SLC9A9: variants seen among roughly 807,000 people sequenced by gnomAD.
SLC9A9 encodes solute carrier family 9 member A9.
In SLC9A9, 62 loss-of-function variants were observed where a neutral mutation model predicts 77.8. The observed-to-expected ratio is 0.80, with a 90% CI of 0.65 to 0.98. SLC9A9 has a LOEUF of 0.98. SLC9A9 is among the 50% of genes least tolerant of loss of function. The probability of loss-of-function intolerance (pLI) is 0.00; values close to 1 mark genes in which losing one functional copy is unlikely to be tolerated. For missense variants in SLC9A9, 775 were observed against 774.9 expected (o/e 1.00, Z 0.00); for synonymous variants, 320 against 283.5 (o/e 1.13, Z -1.29).
At chr3:143,726,897 A>T (rs62268866) in intron 4 of SLC9A9, among the ~76,000 whole-genome samples, 9,268 of 152,286 alleles carry the variant, frequency 0.061, 387 homozygotes, top group Non-Finnish European at 0.094. Context: ...CATAAAGTTT[A>T]AAGGACTCAT....
chr3:143,456,469 G>A (rs2035093694), intron 12 of SLC9A9, among the ~76,000 whole-genome samples: 1 of 151,984 alleles, frequency 6.6e-6, no homozygotes, highest in Non-Finnish European at 1.5e-5. Context: ...TTTAGAATTA[G>A]TGTTGTATCT....
chr3:143,625,912 T>C (rs1469116951), intron 6 of SLC9A9, among the ~76,000 whole-genome samples: 1 of 152,032 alleles, frequency 6.6e-6, no homozygotes, highest in Admixed American at 6.5e-5. Flanking sequence ...CTCAAACAAA[T>C]TTACAAGAAA....
At chr3:143,564,502 GC>G (rs1226175631) in intron 8 of SLC9A9, among the ~76,000 whole-genome samples, 29 of 152,060 alleles carry the variant, frequency 1.9e-4, no homozygotes, top group Non-Finnish European at 1.5e-5. Flanking sequence ...ATTCTTCCAT[GC>G]CACACTTTTA....
rs2034045752 is a variant in SLC9A9 at position 143,409,202 on chromosome 3, G to C, written c.1470-27088C>G. ...ATTAACTCAAAATAAAGCTCTGGAG[G>C]CTTCAACTGTAAATAGTGTAATATC... On this transcript the variant is annotated intron_variant, in intron 12 of 15. Transcript: ENST00000316549. 1.3e-5 allele frequency among the ~76,000 whole-genome samples: 2 copies of C among 152,134 alleles called. 1 individual carries two copies. The highest frequency in any genetic ancestry group is 4.1e-4 in the South Asian group (2 of 4,826).
intron 4 of SLC9A9, among the ~76,000 whole-genome samples, chr3:143,781,901 T>A (rs1183650133): frequency 6.6e-6 from 1 of 152,198 alleles, no homozygotes; most frequent in Non-Finnish European, 1.5e-5. Flanking sequence ...AGAGCTGTAG[T>A]TAAGATTGAC....
At chr3:143,374,467 A>G (rs2033134691) in intron 13 of SLC9A9, among the ~76,000 whole-genome samples, 1 of 151,300 alleles carries the variant, frequency 6.6e-6, no homozygotes, top group Non-Finnish European at 1.5e-5. Flanking sequence ...GGAGGCCAGA[A>G]CACAACAGAA....
At chr3:143,543,304 C>T (rs1283747843) in intron 9 of SLC9A9, among the ~76,000 whole-genome samples, 2 of 152,160 alleles carry the variant, frequency 1.3e-5, no homozygotes, top group African/African-American at 4.8e-5. Flanking sequence ...ACCAGCGGCC[C>T]ACCCCTAACT....
chr3:143,769,296 G>A (rs2007435453), intron 4 of SLC9A9, among the ~76,000 whole-genome samples: 1 of 152,046 alleles, frequency 6.6e-6, no homozygotes, highest in African/African-American at 2.4e-5. Flanking sequence ...CCCTGCTCTG[G>A]GAAAGCAGTA....
At chr3:143,395,542 G>A (rs2033706002) in intron 12 of SLC9A9, among the ~76,000 whole-genome samples, 2 of 152,168 alleles carry the variant, frequency 1.3e-5, no homozygotes, top group African/African-American at 4.8e-5. Flanking sequence ...GCATGGGCAA[G>A]GACTTCATGT....
chr3:143,633,457 G>GT (rs971259974), intron 6 of SLC9A9, among the ~76,000 whole-genome samples: 12 of 151,960 alleles, frequency 7.9e-5, no homozygotes, highest in Non-Finnish European at 1.6e-4. Context: ...TGTCTTAGAG[G>GT]TTTTTTCAGG....
At chr3:143,316,195 C>T (rs185528040) in intron 14 of SLC9A9, among the ~76,000 whole-genome samples, 8 of 152,238 alleles carry the variant, frequency 5.3e-5, no homozygotes, top group Admixed American at 1.3e-4. Context: ...CTGTCACTCA[C>T]GAGATAAATT....
intron 12 of SLC9A9, among the ~76,000 whole-genome samples, chr3:143,437,771 A>C (rs1228285737): frequency 6.6e-6 from 1 of 152,208 alleles, no homozygotes; most frequent in Non-Finnish European, 1.5e-5. Context: ...AGGAACATCT[A>C]TTTCGTTCAG....
chr3:143,319,909 A>G lies in SLC9A9; in HGVS notation c.1604+43575T>C, dbSNP rs115552544. Among the ~76,000 whole-genome samples the G allele has an allele frequency of 2.9e-3, 437 of 152,332 alleles. 4 individuals carry two copies. The highest frequency in any genetic ancestry group is 0.01 in the African/African-American group (418 of 41,576). ...GTGTTTCTATTTTCCTGTCTCTGAAACAGGGATGACAGTCTTCAGCGTTTT... is the reference window on the plus strand; with the variant it reads ...GTGTTTCTATTTTCCTGTCTCTGAAGCAGGGATGACAGTCTTCAGCGTTTT... On this transcript the variant is annotated intron_variant, in intron 14 of 15. Coordinates refer to ENST00000316549, the MANE Select transcript of SLC9A9 (RefSeq NM_173653.4).
At chr3:143,768,657 C>T (rs575326747) in intron 4 of SLC9A9, among the ~76,000 whole-genome samples, 1 of 152,204 alleles carries the variant, frequency 6.6e-6, no homozygotes, top group South Asian at 2.1e-4. Flanking sequence ...GTGCTATATG[C>T]ATAATAGGTA....
In SLC9A9 at chr3:143,796,872, A is replaced by G; in HGVS notation, c.410T>C (p.Val137Ala). Reference sequence around the variant, plus strand: ...ATGAAATATAATTGGTGGCAGTAAAACATTGAAGAAGATTTCTGGATCAAA... The same window carrying G: ...ATGAAATATAATTGGTGGCAGTAAAGCATTGAAGAAGATTTCTGGATCAAA... ...MTFDPEIFFNVLLPPIIFHAG... is the reference protein window; with the variant it reads ...MTFDPEIFFNALLPPIIFHAG... The change falls in exon 3 of 16, where the codon GTT becomes GCT. Residue 137 changes from valine to alanine, a missense_variant. Physicochemically the swap from Val to Ala is moderately conservative, Grantham distance 64. Transcript: ENST00000316549. 6.2e-7 allele frequency: 1 copy of G among 1,612,490 alleles called. No homozygotes were observed. Among genetic ancestry groups the G allele is most frequent in the Non-Finnish European group, 8.5e-7 (1 of 1,178,946 alleles).
chr3:143,282,749 G>C (rs1190778845), intron 14 of SLC9A9, among the ~76,000 whole-genome samples: 1 of 152,174 alleles, frequency 6.6e-6, no homozygotes, highest in African/African-American at 2.4e-5. Context: ...GACTGTGGTG[G>C]CATCATGGAG....
intron 5 of SLC9A9, among the ~76,000 whole-genome samples, chr3:143,673,002 G>A (rs1333387407): frequency 2.0e-5 from 3 of 152,124 alleles, no homozygotes; most frequent in Non-Finnish European, 4.4e-5. Flanking sequence ...ACCATCAAAG[G>A]TAAGATAGTT....
At chr3:143,716,514 A>G (rs962648855) in intron 4 of SLC9A9, among the ~76,000 whole-genome samples, 14 of 152,134 alleles carry the variant, frequency 9.2e-5, no homozygotes, top group Non-Finnish European at 1.9e-4. Flanking sequence ...AGTGGAGAAG[A>G]GTGGCCAACA....
At chr3:143,631,307 C>T (rs949918984) in intron 6 of SLC9A9, among the ~76,000 whole-genome samples, 4 of 152,148 alleles carry the variant, frequency 2.6e-5, no homozygotes, top group African/African-American at 7.2e-5. Flanking sequence ...AACTTGTTCA[C>T]AGGAGAGCAA....
Sources: allele counts gnomAD v4.1 joint callset (sites outside exome capture counted in the v4.1 genomes callset), GRCh38; gene constraint gnomAD v4.1.1; transcripts MANE v1.5; gene names NCBI Gene and HGNC (gene_info 2026-07-23, HGNC 2026-07-21).